The following NELL1 variants were observed in gnomAD, a reference collection of about 807,000 sequenced individuals.
NELL1 encodes neural EGFL like 1.
NELL1 carries 76 observed loss-of-function variants against 107.4 expected under a neutral mutation model. The observed-to-expected ratio is 0.71, with a 90% CI of 0.59 to 0.86. NELL1 has a LOEUF of 0.86. NELL1 is among the 40% of genes least tolerant of loss of function. The pLI is 0.00. For missense variants in NELL1, 1,024 were observed against 1,005.5 expected, an observed-to-expected ratio of 1.02 and a Z score of -0.25; for synonymous variants, 353 against 341.2, an observed-to-expected ratio of 1.03 and a Z score of -0.38.
At chr11:21,285,932 G>A (rs1274603774) in intron 14 of NELL1, among the ~76,000 whole-genome samples, 1 of 151,970 alleles carries the variant, frequency 6.6e-6, no homozygotes, top group African/African-American at 2.4e-5. Flanking sequence ...TACTTAATTA[G>A]GAAATTAAAA....
At chr11:20,787,591 T>A (rs1168990947) in intron 3 of NELL1, among the ~76,000 whole-genome samples, 1 of 152,196 alleles carries the variant, frequency 6.6e-6, no homozygotes, top group Non-Finnish European at 1.5e-5. Flanking sequence ...GTAGATAGAT[T>A]GTTGGCTTAA....
chr11:21,572,792 T>C (rs1485310138), intron 18 of NELL1, among the ~76,000 whole-genome samples: 18 of 151,886 alleles, frequency 1.2e-4, no homozygotes, highest in Admixed American at 1.2e-3. Flanking sequence ...CAGTACCTTA[T>C]AATTTATTTA....
chr11:20,877,509 C>T (rs2134095963), intron 4 of NELL1, among the ~76,000 whole-genome samples: 1 of 152,282 alleles, frequency 6.6e-6, no homozygotes, highest in Non-Finnish European at 1.5e-5. Flanking sequence ...GTGTTTAGCT[C>T]TGAGGGTTTT....
At chr11:21,480,213 T>C (rs1370282125) in intron 15 of NELL1, among the ~76,000 whole-genome samples, 2 of 152,216 alleles carry the variant, frequency 1.3e-5, no homozygotes, top group Non-Finnish European at 2.9e-5. Context: ...GTTTTCCTGA[T>C]GCTTTTACTA....
At chr11:20,821,443 T>C (rs1857751019) in intron 3 of NELL1, among the ~76,000 whole-genome samples, 1 of 152,200 alleles carries the variant, frequency 6.6e-6, no homozygotes, top group Admixed American at 6.5e-5. Flanking sequence ...TTCATTCTTC[T>C]GCAGTGACAT....
chr11:21,267,567 GT>G (rs1447454001), intron 14 of NELL1, among the ~76,000 whole-genome samples: 3 of 152,004 alleles, frequency 2.0e-5, no homozygotes, highest in Non-Finnish European at 4.4e-5. Context: ...AACTACTTTT[GT>G]TTGTAAGTGT....
chr11:21,290,550 A>G (rs1285755265), intron 14 of NELL1, among the ~76,000 whole-genome samples: 1 of 152,112 alleles, frequency 6.6e-6, no homozygotes, highest in East Asian at 1.9e-4. Context: ...CCAGACTGGG[A>G]GACACATCCC....
chr11:21,274,667 A>C (rs1056154027), intron 14 of NELL1, among the ~76,000 whole-genome samples: 1 of 152,208 alleles, frequency 6.6e-6, no homozygotes, highest in African/African-American at 2.4e-5. Context: ...CTCCTCAGCG[A>C]ATGTAAAAGA....
At chr11:20,822,742 C>T (rs937470763) in intron 3 of NELL1, among the ~76,000 whole-genome samples, 1 of 152,076 alleles carries the variant, frequency 6.6e-6, no homozygotes, top group Non-Finnish European at 1.5e-5. Flanking sequence ...TTCCAGTCAC[C>T]AGGAACAGTG....
At chr11:21,344,492 T>C (rs187841282) in intron 14 of NELL1, among the ~76,000 whole-genome samples, 3 of 152,184 alleles carry the variant, frequency 2.0e-5, no homozygotes, top group African/African-American at 7.2e-5. Flanking sequence ...TCAGCTGTTC[T>C]AGGCCTCTCA....
intron 4 of NELL1, among the ~76,000 whole-genome samples, chr11:20,856,253 G>T (rs1430351132): frequency 1.3e-5 from 2 of 152,138 alleles, no homozygotes; most frequent in Non-Finnish European, 2.9e-5. Context: ...TGCCAGCAAG[G>T]GTTGTAGAGT....
At chr11:21,168,330 T>A (rs1183573719) in intron 13 of NELL1, among the ~76,000 whole-genome samples, 1 of 151,842 alleles carries the variant, frequency 6.6e-6, no homozygotes, top group Non-Finnish European at 1.5e-5. Flanking sequence ...CCTTTTTTTT[T>A]ATTGAGTTAA....
chr11:21,387,791 T>C (rs762822901), intron 15 of NELL1, among the ~76,000 whole-genome samples: 2 of 151,860 alleles, frequency 1.3e-5, no homozygotes, highest in Non-Finnish European at 2.9e-5. Flanking sequence ...TGAGAGACTT[T>C]CTTCATCATT....
At chr11:20,810,871 T>G (rs1857488516) in intron 3 of NELL1, among the ~76,000 whole-genome samples, 1 of 151,706 alleles carries the variant, frequency 6.6e-6, no homozygotes, top group African/African-American at 2.4e-5. Context: ...TTTAAATGAG[T>G]TTTTGTAGTT....
intron 15 of NELL1, among the ~76,000 whole-genome samples, chr11:21,466,173 G>A (rs1240391279): frequency 1.3e-5 from 2 of 152,108 alleles, no homozygotes; most frequent in Non-Finnish European, 2.9e-5. Flanking sequence ...AGCAATAGCC[G>A]ACTTATTTTT....
Position 21,103,706 on chromosome 11 carries a change from T to G in NELL1, c.1301-9883T>G, listed in dbSNP as rs763919391. Among the ~76,000 whole-genome samples, 49 of 152,322 alleles carry G rather than the reference T, an allele frequency of 3.2e-4. No homozygotes were observed. In the Middle Eastern group the frequency reaches 0.014, roughly 42 times the overall value. On this transcript the variant is annotated intron_variant, in intron 12 of 19. Coordinates refer to ENST00000357134, the MANE Select transcript of NELL1 (RefSeq NM_006157.5). ...TTTACTCTTGACTGAATTTTCTTTA[T>G]CTTTGCAAAACAAGAGTAGCTAGCT... is the stretch of plus-strand genomic sequence containing the variant.
At chr11:21,277,624 T>C (rs1287134267) in intron 14 of NELL1, among the ~76,000 whole-genome samples, 1 of 152,116 alleles carries the variant, frequency 6.6e-6, no homozygotes, top group Non-Finnish European at 1.5e-5. Context: ...GCACTATTCA[T>C]AATAGCAAAA....
chr11:20,806,844 A>T (rs1857395427), intron 3 of NELL1, among the ~76,000 whole-genome samples: 1 of 152,118 alleles, frequency 6.6e-6, no homozygotes, highest in Non-Finnish European at 1.5e-5. Context: ...ACTTTGATGC[A>T]TTCTTCAGTA....
chr11:21,087,962 A>G (rs1466484528), intron 12 of NELL1, among the ~76,000 whole-genome samples: 1 of 152,084 alleles, frequency 6.6e-6, no homozygotes, highest in Non-Finnish European at 1.5e-5. Context: ...TCCCTGTCAT[A>G]GTGCAGATTT....
Sources: gnomAD v4.1 joint callset for allele counts (sites outside exome capture counted in the v4.1 genomes callset) on GRCh38, gnomAD v4.1.1 for gene constraint, MANE v1.5 for transcripts, NCBI Gene and HGNC (gene_info 2026-07-23, HGNC 2026-07-21) for gene names.